ORC2: variants seen among roughly 807,000 people sequenced by gnomAD.
The protein encoded by ORC2 is origin recognition complex protein 2 homolog.
In ORC2, 37 loss-of-function variants were observed where a neutral mutation model predicts 77.7. The observed-to-expected ratio is 0.48, with a 90% confidence interval of 0.37 to 0.63. ORC2 has a LOEUF of 0.63. Ranked by LOEUF, ORC2 falls within the 20% of genes least tolerant of loss-of-function variation. The pLI, the probability that ORC2 is intolerant of heterozygous loss-of-function variation, is 0.00. For synonymous variants in ORC2, 201 were observed against 229.5 expected (o/e 0.88, Z 1.12); for missense variants, 557 against 661.9 (o/e 0.84, Z 1.74).
At chr2:200,949,225 A>C (rs2041305243) in intron 5 of ORC2, among the ~76,000 whole-genome samples, 1 of 150,916 alleles carries the variant, frequency 6.6e-6, no homozygotes, top group Admixed American at 6.6e-5. Flanking sequence ...TGGGCAACAG[A>C]GTGAGACTCC....
intron 1 of ORC2, among the ~76,000 whole-genome samples, chr2:200,962,690 C>G (rs2041602533): frequency 6.6e-6 from 1 of 152,206 alleles, no homozygotes; most frequent in African/African-American, 2.4e-5. Flanking sequence ...TTGTACATCT[C>G]TAACTCATTC....
intron 15 of ORC2, among the ~76,000 whole-genome samples, chr2:200,919,635 A>G (rs768323437): frequency 6.6e-6 from 1 of 152,258 alleles, no homozygotes; most frequent in Non-Finnish European, 1.5e-5. Flanking sequence ...CTGGTATTAC[A>G]GGTGTAGGCC....
chr2:200,917,647 A>G (rs2040679729), intron 15 of ORC2, among the ~76,000 whole-genome samples: 1 of 152,232 alleles, frequency 6.6e-6, no homozygotes, highest in African/African-American at 2.4e-5. Flanking sequence ...TGCAGCATGT[A>G]TAATAGTGAA....
At chr2:200,932,181 A>C (rs1553496183) in intron 10 of ORC2, among the ~76,000 whole-genome samples, 1 of 152,164 alleles carries the variant, frequency 6.6e-6, no homozygotes, top group Non-Finnish European at 1.5e-5. Context: ...TTAAAAAAAA[A>C]CAACTCTTAT....
intron 11 of ORC2, among the ~76,000 whole-genome samples, chr2:200,927,683 G>C (rs2040864382): frequency 6.7e-6 from 1 of 150,340 alleles, no homozygotes; most frequent in Non-Finnish European, 1.5e-5. Flanking sequence ...GAGCAAGACA[G>C]TGTCTGTAAA....
intron 4 of ORC2, among the ~76,000 whole-genome samples, chr2:200,953,738 T>C (rs1365398938): frequency 1.3e-5 from 2 of 152,180 alleles, no homozygotes; most frequent in Non-Finnish European, 2.9e-5. Context: ...TGAGAAAAGT[T>C]TGGGAGATTG....
chr2:200,948,009 C>T (rs374692635), intron 5 of ORC2, among the ~76,000 whole-genome samples: 34 of 151,794 alleles, frequency 2.2e-4, no homozygotes, highest in South Asian at 6.3e-4. Context: ...CCCGGGTTCA[C>T]GCCATTCTCC....
chr2:200,948,339 A>G (rs1381548958), intron 5 of ORC2, among the ~76,000 whole-genome samples: 1 of 152,166 alleles, frequency 6.6e-6, no homozygotes, highest in Non-Finnish European at 1.5e-5. Flanking sequence ...ATGAGCTACC[A>G]TGCCTGGCCT....
At chr2:200,914,418 G>C (rs907582721) in intron 15 of ORC2, among the ~76,000 whole-genome samples, 1 of 152,032 alleles carries the variant, frequency 6.6e-6, no homozygotes, top group South Asian at 2.1e-4. Flanking sequence ...CGCCCGCCTC[G>C]GCCTCCCAAA....
intron 4 of ORC2, among the ~76,000 whole-genome samples, chr2:200,955,337 T>C (rs1372046407): frequency 2.6e-5 from 4 of 152,160 alleles, no homozygotes; most frequent in Non-Finnish European, 5.9e-5. Context: ...ACTAAATCTA[T>C]TGAGGAGCAG....
chr2:200,919,880 C>T (rs1280122858), intron 15 of ORC2, among the ~76,000 whole-genome samples: 2 of 152,150 alleles, frequency 1.3e-5, no homozygotes, highest in Non-Finnish European at 2.9e-5. Flanking sequence ...ATAAAGTACT[C>T]ACTGTTTGGA....
At position 200,928,731 on chromosome 2, in the gene ORC2, G is replaced by A. The variant is rs1045870663; in HGVS notation, c.918-1831C>T. 3.3e-5 allele frequency among the ~76,000 whole-genome samples: 5 copies of A among 151,178 alleles called. 1 individual carries two copies. Among genetic ancestry groups the A allele is most frequent in the East Asian group, 4.0e-4 (2 of 5,008 alleles). On this transcript the variant is annotated intron_variant, in intron 11 of 17. Coordinates refer to ENST00000234296, the MANE Select transcript of ORC2 (RefSeq NM_006190.5). ...CAGGAGGCTGAGGCAGGAGAATGGC[G>A]TGAACACGGGAGGCAGAGCTTGCAG...
chr2:200,930,011 G>T (rs1208414694), intron 11 of ORC2, among the ~76,000 whole-genome samples: 1 of 152,004 alleles, frequency 6.6e-6, no homozygotes, highest in Non-Finnish European at 1.5e-5. Flanking sequence ...TGAGAGTGAG[G>T]TATGGGTTGG....
At chr2:200,933,492 T>C (rs373337723) in intron 10 of ORC2, among the ~76,000 whole-genome samples, 1 of 152,184 alleles carries the variant, frequency 6.6e-6, no homozygotes, top group African/African-American at 2.4e-5. Context: ...ATGATTATCA[T>C]AGATCCTGAA....
intron 5 of ORC2, among the ~76,000 whole-genome samples, chr2:200,946,549 AT>A (rs1178524483): frequency 1.3e-5 from 2 of 152,234 alleles, no homozygotes; most frequent in African/African-American, 4.8e-5. Flanking sequence ...CTATCTTCTC[AT>A]GACTTTAAAA....
At chr2:200,920,787 A>C (rs1030559433) in intron 14 of ORC2, among the ~76,000 whole-genome samples, 20 of 152,220 alleles carry the variant, frequency 1.3e-4, no homozygotes, top group Admixed American at 3.3e-4. Flanking sequence ...TTAGACTAAA[A>C]CATCCTCATT....
chr2:200,961,516 A>G (rs16836312), intron 1 of ORC2, among the ~76,000 whole-genome samples: 5 of 152,172 alleles, frequency 3.3e-5, no homozygotes, highest in East Asian at 1.9e-4. Flanking sequence ...CTACATGTCA[A>G]TTAGGGTTAG....
chr2:200,943,732 C>A (rs1193000485), intron 5 of ORC2, among the ~76,000 whole-genome samples: 2 of 152,102 alleles, frequency 1.3e-5, no homozygotes, highest in Non-Finnish European at 1.5e-5. Context: ...ATACTCATAA[C>A]AATCTCTACA....
At chr2:200,951,836 T>A (rs1293641552) in intron 4 of ORC2, among the ~76,000 whole-genome samples, 1 of 152,226 alleles carries the variant, frequency 6.6e-6, no homozygotes, top group East Asian at 1.9e-4. Context: ...TCTTCTAGTC[T>A]GTAGTCTTCT....
Sources: gnomAD v4.1 joint callset for allele counts (sites outside exome capture counted in the v4.1 genomes callset) on GRCh38, gnomAD v4.1.1 for gene constraint, MANE v1.5 for transcripts, NCBI Gene and HGNC (gene_info 2026-07-23, HGNC 2026-07-21) for gene names.